PARP14: variants seen among roughly 807,000 people sequenced by gnomAD.
PARP14 encodes the protein poly(ADP-ribose) polymerase family member 14.
Under a neutral mutation model 154.2 loss-of-function variants are expected in PARP14, and 59 were observed. The observed-to-expected ratio is 0.38, with a 90% CI of 0.31 to 0.48. PARP14 has a LOEUF of 0.48. PARP14 is among the 20% of genes least tolerant of loss of function. The probability of loss-of-function intolerance (pLI) is 0.98; values close to 1 mark genes in which losing one functional copy is unlikely to be tolerated. For synonymous variants in PARP14, 720 were observed against 780.5 expected (o/e 0.92, Z 1.29); for missense variants, 1,734 against 2,131.6 (o/e 0.81, Z 3.67).
Position 122,687,109 on chromosome 3 carries a change from A to G in PARP14, c.351A>G (p.Glu117=). The G allele has an allele frequency of 6.3e-7, 1 of 1,595,532 alleles. No individual in the cohort carries two copies. Among genetic ancestry groups the G allele is most frequent in the Non-Finnish European group, 8.6e-7 (1 of 1,168,500 alleles). ...CCAAGACCAAAGAAGATGTTAAAGA[A>G]CCAGGTAAAATCTCAGTTGAGATGA... is the stretch of plus-strand genomic sequence containing the variant. ...KESKTKEDVK[E]PDVSEELDTK... The change falls in exon 3 of 17, where the codon GAA becomes GAG. Residue 117 remains glutamate (E), a synonymous_variant. Coordinates refer to ENST00000474629, the MANE Select transcript of PARP14 (RefSeq NM_017554.3).
intron 1 of PARP14, among the ~76,000 whole-genome samples, 199 bp from the exon 2 acceptor site, chr3:122,684,986 T>C (rs777463856): frequency 4.6e-5 from 7 of 152,216 alleles, no homozygotes; most frequent in Non-Finnish European, 1.0e-4. Flanking sequence ...ATGCTCAATA[T>C]TAAAAAGTCA....
At chr3:122,685,384 C>A in intron 2 of PARP14, 66 bp downstream of exon 2, 2 of 1,429,524 alleles carry the variant, frequency 1.4e-6, no homozygotes, top group Non-Finnish European at 1.9e-6. Context: ...ATGGGAATCA[C>A]CATGAAGAAA....
Position 122,700,166 on chromosome 3 carries a change from G to T in PARP14, c.1612G>T (p.Val538Phe), listed in dbSNP as rs1487954301. 3.1e-6 allele frequency: 5 copies of T among 1,612,952 alleles called. No homozygotes were observed. The highest frequency in any genetic ancestry group is 2.2e-5 in the South Asian group (2 of 90,888). Residue 538 changes from valine to phenylalanine, a missense_variant, in exon 6 of 17, where the codon GTT (valine) becomes TTT (phenylalanine). By Grantham distance (50) the Val-to-Phe change is conservative. Transcript: ENST00000474629. ...CACCATGGCTCAGAAAAACATTCAG[G>T]TTTCTCCTGAGATTTTTCAGTTTTT... ...VYTMAQKNIQ[V>F]SPEIFQFLQQ...
intron 2 of PARP14, among the ~76,000 whole-genome samples, chr3:122,686,471 C>A (rs1187189177): frequency 2.1e-5 from 3 of 145,328 alleles, no homozygotes; most frequent in Non-Finnish European, 4.5e-5. Flanking sequence ...TAATTTTTAT[C>A]TTTTTTAGAG....
chr3:122,729,891 A>G lies in PARP14; in HGVS notation c.*1294A>G, dbSNP rs976391515. 1 of 152,218 alleles carries G rather than the reference A, an allele frequency of 6.6e-6. No homozygotes were observed. Among genetic ancestry groups the G allele is most frequent in the African/African-American group, 2.4e-5 (1 of 41,456 alleles). The allele number at this position is 152,218 out of a possible 1,614,324, so 9.4% of individuals were successfully genotyped here. On this transcript the variant is annotated 3_prime_UTR_variant, in exon 17 of 17. Transcript: ENST00000474629. ...ACAGCCTAGCGTTTGATGATTTTAA[A>G]GCCTTATGTATAAATAAACCAAAGG...
At chr3:122,716,675 C>G (rs971004170) in intron 12 of PARP14, among the ~76,000 whole-genome samples, 3 of 152,194 alleles carry the variant, frequency 2.0e-5, no homozygotes, top group African/African-American at 7.2e-5. Flanking sequence ...CTGGCCTCCT[C>G]TTTTTGTTCA....
Position 122,728,399 on chromosome 3 carries a change from G to A in PARP14, c.5208G>A (p.Lys1736=). The A allele has an allele frequency of 6.2e-7, 1 of 1,613,608 alleles. No individual in the cohort carries two copies. The highest frequency in any genetic ancestry group is 8.5e-7 in the Non-Finnish European group (1 of 1,179,524). ...TYSRPDANGR[K]HVYYVRVLTG... ...CCAGACCAGATGCAAATGGGAGAAA[G>A]CATGTGTATTATGTGCGAGTACTTA... Residue 1736 remains lysine (K), a synonymous_variant, in exon 17 of 17, where the codon AAG becomes AAA. Transcript: ENST00000474629.
Position 122,703,898 on chromosome 3 carries a change from A to G in PARP14, c.3238A>G (p.Ser1080Gly), listed in dbSNP as rs1285902522. The change falls in exon 7 of 17, where the codon AGC (serine) becomes GGC (glycine). Residue 1080 changes from serine (S) to glycine (G), a missense_variant. Transcript: ENST00000474629. ...CAGCATGGGCACAGTGCTCAAAACC[A>G]GCAGCTGGAATCTGGACTGTCGCTA... Reference protein sequence around the residue: ...AVSMGTVLKTSSWNLDCRYVL... With the variant: ...AVSMGTVLKTGSWNLDCRYVL... 1 of 1,613,930 alleles carries G rather than the reference A, an allele frequency of 6.2e-7. No individual in the cohort carries two copies. The highest frequency in any genetic ancestry group is 8.5e-7 in the Non-Finnish European group (1 of 1,179,898).
intron 15 of PARP14, among the ~76,000 whole-genome samples, chr3:122,724,012 C>A (rs1357362626): frequency 6.6e-6 from 1 of 152,094 alleles, no homozygotes; most frequent in Non-Finnish European, 1.5e-5. Flanking sequence ...TACACATTAT[C>A]CTCCATTTGG....
intron 15 of PARP14, chr3:122,721,965 G>C (rs945678131): frequency 6.6e-6 from 1 of 152,202 alleles, no homozygotes; most frequent in Non-Finnish European, 1.5e-5. Flanking sequence ...CGAACTGCTA[G>C]TTCTCAAAAA....
intron 4 of PARP14, among the ~76,000 whole-genome samples, chr3:122,694,813 C>A (rs748953450): frequency 6.6e-6 from 1 of 151,996 alleles, no homozygotes; most frequent in African/African-American, 2.4e-5. Flanking sequence ...AACCACCACG[C>A]CCGGCCAATA....
At chr3:122,718,320 T>C (rs1933054194) in intron 13 of PARP14, 39 bp from the exon 14 acceptor site, 5 of 1,612,198 alleles carry the variant, frequency 3.1e-6, no homozygotes, top group Middle Eastern at 1.7e-4. Context: ...ATAACGTTGA[T>C]GTCACATGTG....
At chr3:122,697,094 A>G (rs1001980063) in intron 5 of PARP14, among the ~76,000 whole-genome samples, 6 of 152,148 alleles carry the variant, frequency 3.9e-5, no homozygotes, top group Admixed American at 3.9e-4. Context: ...CTGGGAGTAC[A>G]GGTGCATGCC....
At chr3:122,690,121 G>A (rs1235522537) in intron 3 of PARP14, among the ~76,000 whole-genome samples, 3 of 152,128 alleles carry the variant, frequency 2.0e-5, no homozygotes, top group African/African-American at 7.2e-5. Context: ...GATTGTTAAT[G>A]CTCTTTTTTG....
chr3:122,721,037 A>C (rs1560083548), intron 15 of PARP14: 1 of 319,596 alleles, frequency 3.1e-6, no homozygotes, highest in East Asian at 1.0e-4. Flanking sequence ...TTCTCTAGCA[A>C]AATTATTATG....
chr3:122,703,704 G>A (rs1939056812), intron 6 of PARP14, 38 bp from the exon 7 acceptor site: 1 of 1,298,832 alleles, frequency 7.7e-7, no homozygotes, highest in East Asian at 2.4e-5. Flanking sequence ...AATGCTTTTT[G>A]TTAAAATTTG....
intron 12 of PARP14, among the ~76,000 whole-genome samples, chr3:122,717,708 A>C (rs1278064523): frequency 1.3e-5 from 2 of 152,238 alleles, no homozygotes; most frequent in African/African-American, 2.4e-5. Context: ...CTTTTTATGA[A>C]ATTTCAAGGA....
chr3:122,682,930 C>T (rs1487028161), intron 1 of PARP14, among the ~76,000 whole-genome samples: 2 of 152,078 alleles, frequency 1.3e-5, no homozygotes, highest in African/African-American at 4.8e-5. Flanking sequence ...TGGTGTGCGC[C>T]TATAGTCCCA....
intron 15 of PARP14, 21 bp downstream of exon 15, chr3:122,720,409 C>A (rs767380437): frequency 1.7e-5 from 27 of 1,608,696 alleles, no homozygotes; most frequent in Non-Finnish European, 2.3e-5. Context: ...TGCTAGAATG[C>A]AGTTTCTGGA....
Sources: allele counts gnomAD v4.1 joint callset (sites outside exome capture counted in the v4.1 genomes callset), GRCh38; gene constraint gnomAD v4.1.1; transcripts MANE v1.5; gene names NCBI Gene and HGNC (gene_info 2026-07-23, HGNC 2026-07-21).